WWOX: variants seen among roughly 807,000 people sequenced by gnomAD.
WWOX encodes the protein WW domain containing oxidoreductase.
A neutral mutation model predicts 46.2 loss-of-function variants in WWOX; 69 were observed. The observed-to-expected ratio is 1.49, with a 90% confidence interval of 1.23 to 1.82. The LOEUF is 1.82. Among genes scored for constraint, WWOX ranks in the 40% most tolerant of loss-of-function variants. The pLI is 0.00. For synonymous variants in WWOX, 359 were observed against 202.6 expected (o/e 1.77, Z -6.56); for missense variants, 919 against 542.6 (o/e 1.69, Z -6.89).
intron 8 of WWOX, among the ~76,000 whole-genome samples, chr16:78,809,972 G>A (rs9923322): frequency 0.18 from 27,725 of 152,066 alleles, 2,664 homozygotes; most frequent in South Asian, 0.23. Context: ...CTGTTCATCT[G>A]GCAAATCTCA....
At chr16:78,725,913 C>T (rs1226869987) in intron 8 of WWOX, among the ~76,000 whole-genome samples, 2 of 152,020 alleles carry the variant, frequency 1.3e-5, no homozygotes, top group Non-Finnish European at 2.9e-5. Flanking sequence ...TACTCCTTTT[C>T]TTCTCTTTTT....
intron 8 of WWOX, among the ~76,000 whole-genome samples, chr16:78,617,824 A>G (rs779666379): frequency 1.3e-5 from 2 of 152,166 alleles, no homozygotes; most frequent in Non-Finnish European, 2.9e-5. Context: ...GTTTATTTGA[A>G]TGATGGAATG....
At chr16:78,180,600 G>A (rs1176158525) in intron 5 of WWOX, among the ~76,000 whole-genome samples, 1 of 152,006 alleles carries the variant, frequency 6.6e-6, no homozygotes, top group African/African-American at 2.4e-5. Flanking sequence ...GGGCTTGTGG[G>A]TAAATCCAGT....
intron 8 of WWOX, among the ~76,000 whole-genome samples, chr16:79,150,006 A>G (rs776112298): frequency 2.0e-5 from 3 of 152,190 alleles, no homozygotes; most frequent in Non-Finnish European, 2.9e-5. Context: ...TATGTTTTTT[A>G]TGGGAACCTA....
At chr16:78,100,672 A>G (rs1200432397) in intron 1 of WWOX, among the ~76,000 whole-genome samples, 1 of 152,174 alleles carries the variant, frequency 6.6e-6, no homozygotes, top group African/African-American at 2.4e-5. Context: ...ATAACGTTTA[A>G]TCTTGGTTTT....
chr16:78,450,885 A>G (rs183925170), intron 8 of WWOX, among the ~76,000 whole-genome samples: 2 of 152,352 alleles, frequency 1.3e-5, no homozygotes, highest in African/African-American at 2.4e-5. Flanking sequence ...AGGTTCTGAA[A>G]TATACCCAAT....
intron 8 of WWOX, among the ~76,000 whole-genome samples, chr16:79,043,995 T>C (rs1334007846): frequency 6.6e-6 from 1 of 152,210 alleles, no homozygotes; most frequent in Non-Finnish European, 1.5e-5. Flanking sequence ...GAAACTCTCA[T>C]TGATTAGGCC....
In WWOX at chr16:78,248,225, C is replaced by G. The variant is rs116029960; in HGVS notation, c.516+83936C>G. Among the ~76,000 whole-genome samples, 832 of 152,190 alleles carry G rather than the reference C, an allele frequency of 5.5e-3. 16 individuals are homozygous for G. Among genetic ancestry groups the G allele is most frequent in the African/African-American group, 0.019 (796 of 41,518 alleles). On this transcript the variant is annotated intron_variant, in intron 5 of 8. Transcript: ENST00000566780. ...TTCTGGGGAGGCCTCAGGAAACTTA[C>G]AATCATGGTGGAAGGCAAAGGGGAA... is the stretch of plus-strand genomic sequence containing the variant.
intron 8 of WWOX, among the ~76,000 whole-genome samples, chr16:78,611,658 A>C (rs954697581): frequency 6.6e-6 from 1 of 152,256 alleles, no homozygotes; most frequent in African/African-American, 2.4e-5. Flanking sequence ...CAGCCTCTGC[A>C]TGATTTTTTA....
At chr16:78,819,478 A>G (rs112049448) in intron 8 of WWOX, among the ~76,000 whole-genome samples, 7,899 of 152,272 alleles carry the variant, frequency 0.052, 217 homozygotes, top group Admixed American at 0.065. Flanking sequence ...CCCTTTTTCT[A>G]GAAATTTCTG....
At chr16:78,261,774 ATCTATCTATCTATC>A (rs1468415726) in intron 5 of WWOX, among the ~76,000 whole-genome samples, 810 of 45,712 alleles carry the variant, frequency 0.018, 9 homozygotes, top group Middle Eastern at 0.087. Flanking sequence ...CTATCTATGT[ATCTATCTATCTATC>A]TATATATATA....
chr16:78,869,886 AC>A (rs2044089564), intron 8 of WWOX, among the ~76,000 whole-genome samples: 1 of 152,172 alleles, frequency 6.6e-6, no homozygotes, highest in African/African-American at 2.4e-5. Flanking sequence ...TTCCCAAATA[AC>A]TGAGGGGCCA....
intron 8 of WWOX, among the ~76,000 whole-genome samples, chr16:78,907,211 T>C (rs148318790): frequency 0.021 from 3,170 of 152,230 alleles, 104 homozygotes; most frequent in African/African-American, 0.071. Context: ...AAAACCCTTG[T>C]GCCCTGAATC....
intron 8 of WWOX, among the ~76,000 whole-genome samples, chr16:78,947,360 T>C (rs1044349016): frequency 7.4e-5 from 11 of 147,996 alleles, no homozygotes; most frequent in African/African-American, 2.3e-4. Flanking sequence ...TAGCTGCATT[T>C]GTTATTTTTC....
At chr16:78,904,582 C>T (rs1024090832) in intron 8 of WWOX, among the ~76,000 whole-genome samples, 22 of 152,008 alleles carry the variant, frequency 1.4e-4, no homozygotes, top group Admixed American at 1.3e-4. Flanking sequence ...AATGTAAACC[C>T]TCCCTTCCCC....
intron 5 of WWOX, among the ~76,000 whole-genome samples, chr16:78,259,429 C>G (rs1442293985): frequency 6.6e-6 from 1 of 152,106 alleles, no homozygotes; most frequent in Non-Finnish European, 1.5e-5. Context: ...CGGGTTCAAG[C>G]AATTCTCCTG....
intron 8 of WWOX, among the ~76,000 whole-genome samples, chr16:79,011,012 A>T (rs1249987787): frequency 6.6e-6 from 1 of 152,064 alleles, no homozygotes; most frequent in African/African-American, 2.4e-5. Context: ...CTGGCTTACG[A>T]TGATTTCTAA....
chr16:79,140,445 T>C (rs1185791594), intron 8 of WWOX, among the ~76,000 whole-genome samples: 1 of 152,202 alleles, frequency 6.6e-6, no homozygotes, highest in Non-Finnish European at 1.5e-5. Flanking sequence ...CTTTCTCTCC[T>C]ACCATACAGC....
intron 8 of WWOX, among the ~76,000 whole-genome samples, chr16:79,057,102 T>C (rs1210132954): frequency 6.6e-6 from 1 of 152,222 alleles, no homozygotes; most frequent in East Asian, 1.9e-4. Context: ...CCCACTAATC[T>C]GTTATGACTG....
Sources: allele counts gnomAD v4.1 joint callset (sites outside exome capture counted in the v4.1 genomes callset), GRCh38; gene constraint gnomAD v4.1.1; transcripts MANE v1.5; gene names NCBI Gene and HGNC (gene_info 2026-07-23, HGNC 2026-07-21).